Variants in LYRM4 observed in about 807,000 individuals in gnomAD.
The protein encoded by LYRM4 is LYR motif containing 4, also known as LYR motif-containing protein 4.
Under a neutral mutation model 11.7 loss-of-function variants are expected in LYRM4, and 9 were observed. The ratio of observed to expected loss-of-function variants is 0.77; its 90% confidence interval spans 0.46 to 1.34. The LOEUF is 1.34. LYRM4 is among the 40% of genes most tolerant of loss of function. The pLI, the probability that LYRM4 is intolerant of heterozygous loss-of-function variation, is 0.00. For synonymous variants in LYRM4, 42 were observed against 40.4 expected (o/e 1.04, Z -0.15); for missense variants, 133 against 112.5 (o/e 1.18, Z -0.82).
chr6:5,104,150 C>G (rs1181314507), downstream of LYRM4: 1 of 152,542 alleles, frequency 6.6e-6, no homozygotes, highest in African/African-American at 2.4e-5. Flanking sequence ...TAGAGAATCT[C>G]CCCCCACCAG....
intron 2 of LYRM4, among the ~76,000 whole-genome samples, chr6:5,181,196 A>G (rs761359): frequency 0.35 from 52,702 of 152,066 alleles, 10,389 homozygotes; most frequent in African/African-American, 0.55. Flanking sequence ...CCTGGTTGAA[A>G]GAGGAATGAC....
chr6:5,197,435 A>G (rs1761126455), intron 2 of LYRM4, among the ~76,000 whole-genome samples: 1 of 152,168 alleles, frequency 6.6e-6, no homozygotes, highest in Non-Finnish European at 1.5e-5. Context: ...GCGCTTTGGG[A>G]GGCCGAGGCC....
intron 2 of LYRM4, among the ~76,000 whole-genome samples, chr6:5,174,740 T>G (rs2127670760): frequency 6.6e-6 from 1 of 152,340 alleles, no homozygotes; most frequent in East Asian, 1.9e-4. Flanking sequence ...TAAATTAAGG[T>G]GTGTATATAT....
chr6:5,189,145 T>G (rs1760601239), intron 2 of LYRM4, among the ~76,000 whole-genome samples: 1 of 152,256 alleles, frequency 6.6e-6, no homozygotes, highest in South Asian at 2.1e-4. Context: ...CAATTGTTAT[T>G]AATATTTGCC....
chr6:5,105,184 T>C (rs1762625065), downstream of LYRM4: 1 of 152,204 alleles, frequency 6.6e-6, no homozygotes. Context: ...ATTTAGCACA[T>C]GTCTGAGGGG....
chr6:5,228,631 T>C (rs1763040043), intron 1 of LYRM4, among the ~76,000 whole-genome samples: 1 of 152,164 alleles, frequency 6.6e-6, no homozygotes, highest in Non-Finnish European at 1.5e-5. Context: ...CTTTGGAATA[T>C]AGTCAAAGCC....
At chr6:5,099,391 C>CTCTATCTGTCTA (rs1554124405), downstream of LYRM4, among the ~76,000 whole-genome samples, 1 of 145,442 alleles carries the variant, frequency 6.9e-6, no homozygotes, top group African/African-American at 2.6e-5. This position sits in a 1 kb window ranked among gnomAD's most constrained non-coding sequence, Gnocchi z 4.3. Flanking sequence ...AAATCTATTT[C>CTCTATCTGTCTA]TCTATCTATC....
intron 2 of LYRM4, among the ~76,000 whole-genome samples, chr6:5,207,715 A>G (rs1318810412): frequency 6.6e-6 from 1 of 152,170 alleles, no homozygotes; most frequent in South Asian, 2.1e-4. Flanking sequence ...TTGAACTTTC[A>G]CATTTTCGGA....
the LYRM4 span, among the ~76,000 whole-genome samples, chr6:5,060,894 A>G: frequency 6.6e-6 from 1 of 152,184 alleles, no homozygotes; most frequent in Non-Finnish European, 1.5e-5. Flanking sequence ...CCCACCCCAT[A>G]GCCAACTAGT....
intron 2 of LYRM4, among the ~76,000 whole-genome samples, chr6:5,183,158 T>A (rs1027767591): frequency 1.3e-5 from 2 of 152,182 alleles, no homozygotes; most frequent in Admixed American, 6.5e-5. Flanking sequence ...CATTCAGAGA[T>A]GAGGCCTCTA....
chr6:5,081,134 C>CGGGGGCG, the LYRM4 span, among the ~76,000 whole-genome samples: 2 of 126,180 alleles, frequency 1.6e-5, no homozygotes, highest in Admixed American at 7.7e-5. Flanking sequence ...CACACTTGGG[C>CGGGGGCG]GGGGGGGGGG....
At chr6:5,077,294 C>T in the LYRM4 span, among the ~76,000 whole-genome samples, 11 of 152,332 alleles carry the variant, frequency 7.2e-5, no homozygotes, top group East Asian at 1.7e-3. Context: ...CTGTCACACG[C>T]GGTCATTTCC....
the LYRM4 span, among the ~76,000 whole-genome samples, chr6:5,082,684 T>C: frequency 2.0e-5 from 3 of 152,246 alleles, no homozygotes; most frequent in African/African-American, 4.8e-5. Context: ...TTGTCCTGTA[T>C]CCAGAATGAT....
At chr6:5,041,467 G>A in the LYRM4 span, among the ~76,000 whole-genome samples, 3 of 152,326 alleles carry the variant, frequency 2.0e-5, no homozygotes, top group Non-Finnish European at 2.9e-5. Flanking sequence ...GTTAAATGCT[G>A]TATTTGCTCC....
At chr6:5,162,511 G>GAGAGAGAA (rs1554133083) in intron 2 of LYRM4, among the ~76,000 whole-genome samples, 13 of 147,740 alleles carry the variant, frequency 8.8e-5, no homozygotes, top group East Asian at 4.0e-4. Context: ...GAGAGAGAGA[G>GAGAGAGAA]AGAGAGAGAG....
At chr6:5,128,952 A>G (rs984136655) in intron 2 of LYRM4, among the ~76,000 whole-genome samples, 2 of 152,222 alleles carry the variant, frequency 1.3e-5, no homozygotes, top group Admixed American at 1.3e-4. Context: ...TTGCCTCTCC[A>G]GAGCTTCTGA....
the LYRM4 span, among the ~76,000 whole-genome samples, chr6:5,038,291 G>A: frequency 8.5e-5 from 5 of 58,520 alleles, 2 homozygotes; most frequent in Non-Finnish European, 8.2e-5. Context: ...ATGGGATGGC[G>A]GCCGGGCAGA....
chr6:5,082,318 GGT>G, the LYRM4 span, among the ~76,000 whole-genome samples: 108 of 152,272 alleles, frequency 7.1e-4, no homozygotes, highest in African/African-American at 2.6e-3. Flanking sequence ...TTGGAGAACT[GGT>G]GTTAGACACC....
chr6:5,146,833 G>A (rs2127632941), intron 2 of LYRM4, among the ~76,000 whole-genome samples: 1 of 152,308 alleles, frequency 6.6e-6, no homozygotes, highest in Middle Eastern at 3.4e-3. Context: ...CTGGAGCCAG[G>A]AGGCCGGTCT....
Sources: gnomAD v4.1 joint callset for allele counts (sites outside exome capture counted in the v4.1 genomes callset) on GRCh38, gnomAD v4.1.1 for gene constraint, Gnocchi (gnomAD v3.1) non-coding constraint, MANE v1.5 for transcripts, NCBI Gene and HGNC (gene_info 2026-07-23, HGNC 2026-07-21) for gene names.